STK3: variants seen among roughly 807,000 people sequenced by gnomAD.
STK3 encodes serine/threonine kinase 3, also known as serine/threonine-protein kinase 3.
In STK3, 41 loss-of-function variants were observed where a neutral mutation model predicts 58.0. The observed-to-expected ratio is 0.71, with a 90% CI of 0.55 to 0.92. The LOEUF (loss-of-function observed/expected upper bound fraction) is 0.92, where lower values mean the gene tolerates loss of function less well. STK3 is among the 40% of genes least tolerant of loss of function. The pLI is 0.00. For synonymous variants in STK3, 170 were observed against 191.0 expected (o/e 0.89, Z 0.91); for missense variants, 479 against 602.7 (o/e 0.79, Z 2.15).
chr8:98,594,498 G>T (rs897825334), intron 7 of STK3, among the ~76,000 whole-genome samples: 8 of 152,058 alleles, frequency 5.3e-5, no homozygotes, highest in African/African-American at 1.9e-4. Flanking sequence ...TACTTGGGAG[G>T]CTAAGGCACG....
chr8:98,452,827 C>A (rs1819255910), downstream of STK3, among the ~76,000 whole-genome samples: 1 of 143,976 alleles, frequency 6.9e-6, no homozygotes, highest in African/African-American at 2.6e-5. Context: ...GTGGTGTGAT[C>A]TCAGCTCACT....
chr8:98,554,273 A>G (rs1282791628), intron 8 of STK3, among the ~76,000 whole-genome samples: 2 of 152,280 alleles, frequency 1.3e-5, no homozygotes, highest in African/African-American at 4.8e-5. Context: ...TGCTGGTTGA[A>G]TATCTTATTT....
intron 7 of STK3, among the ~76,000 whole-genome samples, chr8:98,591,921 G>T (rs1695084296): frequency 6.6e-6 from 1 of 152,174 alleles, no homozygotes; most frequent in African/African-American, 2.4e-5. Flanking sequence ...TCTAGTTTCT[G>T]TAGTGTTGGT....
At chr8:98,625,372 A>C (rs1818637518) in intron 6 of STK3, among the ~76,000 whole-genome samples, 1 of 152,160 alleles carries the variant, frequency 6.6e-6, no homozygotes, top group Non-Finnish European at 1.5e-5. Context: ...GAAAGAAGGC[A>C]CATTTTCAAA....
At chr8:98,518,013 T>A (rs1825067065) in intron 10 of STK3, among the ~76,000 whole-genome samples, 1 of 152,106 alleles carries the variant, frequency 6.6e-6, no homozygotes, top group South Asian at 2.1e-4. Flanking sequence ...GAGTAGTCAA[T>A]TTTTCAATGT....
At chr8:98,828,356 CTT>C (rs2131774920), upstream of STK3, among the ~76,000 whole-genome samples, 1 of 136,662 alleles carries the variant, frequency 7.3e-6, no homozygotes, top group African/African-American at 2.7e-5. Context: ...AACCCCAACA[CTT>C]TGGGAATCCA....
chr8:98,791,117 CAA>C (rs1252777769), intron 1 of STK3, among the ~76,000 whole-genome samples: 1 of 152,110 alleles, frequency 6.6e-6, no homozygotes, highest in African/African-American at 2.4e-5. Context: ...AAGAATTCAG[CAA>C]AGTTTCCAGA....
At chr8:98,435,876 T>C (rs1818467605) in intron 2 of STK3, among the ~76,000 whole-genome samples, 1 of 152,174 alleles carries the variant, frequency 6.6e-6, no homozygotes, top group South Asian at 2.1e-4. Context: ...GCCTTGCTTT[T>C]CTCAGCTGAC....
At chr8:98,560,191 A>G (rs568350752) in intron 8 of STK3, among the ~76,000 whole-genome samples, 7 of 152,282 alleles carry the variant, frequency 4.6e-5, no homozygotes, top group African/African-American at 1.7e-4. Context: ...GTGAGGATAC[A>G]GAAACATATT....
chr8:98,568,498 C>T (rs1441197967), intron 8 of STK3, among the ~76,000 whole-genome samples: 2 of 152,126 alleles, frequency 1.3e-5, no homozygotes, highest in African/African-American at 4.8e-5. Flanking sequence ...ATTTGCTGGT[C>T]AACTAGTTCC....
Position 98,428,288 on chromosome 8 carries a change from G to A in STK3, n.483+5839C>T. On this transcript the variant is annotated intron_variant and non_coding_transcript_variant, in intron 3 of 3. Transcript: ENST00000517832. The surrounding 1 kb of genome is among the most constrained non-coding windows in gnomAD (Gnocchi z 6.7). The stretch of plus-strand genomic sequence containing the variant: ...AGCTATGTGTCTTCTCCTTCAGCCA[G>A]GAGATCGAGTACTGGGGCATCAACG... The A allele has an allele frequency of 6.2e-7, 1 of 1,614,158 alleles. No individual in the cohort carries two copies. The highest frequency in any genetic ancestry group is 8.5e-7 in the Non-Finnish European group (1 of 1,180,034).
chr8:98,821,268 T>C (rs1834881790), intron 1 of STK3, among the ~76,000 whole-genome samples: 1 of 152,116 alleles, frequency 6.6e-6, no homozygotes, highest in Admixed American at 6.5e-5. Context: ...GGTTGCACGC[T>C]CCTTATGATA....
In STK3 at chr8:98,712,263, A is replaced by T. The variant is rs1226832447; in HGVS notation, c.352-4952T>A. The stretch of plus-strand genomic sequence containing the variant: ...AACCAGCTAACATCATAATGACAGG[A>T]TCAAATTCACACATAACAATATTAA... On this transcript the variant is annotated intron_variant, in intron 4 of 10. Transcript: ENST00000419617. Among the ~76,000 whole-genome samples the T allele has an allele frequency of 2.6e-5, 4 of 152,352 alleles. No individual in the cohort carries two copies. In the East Asian group the frequency reaches 7.7e-4, roughly 29 times the overall value.
chr8:98,923,369 C>T lies in STK3; in HGVS notation c.-79+19009G>A, dbSNP rs1364399733. 2.0e-5 allele frequency among the ~76,000 whole-genome samples: 3 copies of T among 152,190 alleles called. No homozygotes were observed. In the East Asian group the frequency reaches 5.8e-4, roughly 29 times the overall value. ...AAATTTCCATCAACAGGTGGCAACA[C>T]TTGTATTGTTTGCTTTTTAGAGTAG... On this transcript the variant is annotated intron_variant, in intron 1 of 1. Transcript: ENST00000519420.
Position 98,770,912 on chromosome 8 carries a change from T to C in STK3, c.108-3541A>G, listed in dbSNP as rs571311305. ...TTATTGTACATTTAGGTCTTGATAT[T>C]AAAGTTACACTAGCTTCATTTAAAA... On this transcript the variant is annotated intron_variant, in intron 2 of 10. Transcript: ENST00000419617. 2.0e-5 allele frequency among the ~76,000 whole-genome samples: 3 copies of C among 152,310 alleles called. No individual in the cohort carries two copies. The South Asian group carries it at 6.2e-4, about 32-fold the overall frequency.
chr8:98,874,665 C>T (rs866988133), intron 3 of STK3, among the ~76,000 whole-genome samples: 4 of 152,032 alleles, frequency 2.6e-5, no homozygotes, highest in Middle Eastern at 3.2e-3. Flanking sequence ...CTCCCTCTGT[C>T]ACCCAGGCTG....
downstream of STK3, among the ~76,000 whole-genome samples, chr8:98,367,021 G>T (rs918208791): frequency 1.4e-4 from 22 of 152,220 alleles, no homozygotes; most frequent in Admixed American, 1.4e-3. Context: ...AAAAGACAAA[G>T]TAGAGACTGG....
intron 10 of STK3, among the ~76,000 whole-genome samples, chr8:98,492,130 C>A (rs1269900241): frequency 6.6e-6 from 1 of 152,182 alleles, no homozygotes; most frequent in African/African-American, 2.4e-5. Context: ...CATAAAGCAT[C>A]TCCAAAAAGC....
chr8:98,386,450 A>G (rs1817792797), intron 1 of STK3, among the ~76,000 whole-genome samples: 2 of 152,224 alleles, frequency 1.3e-5, no homozygotes, highest in Admixed American at 1.3e-4. Flanking sequence ...TGATTTTAAG[A>G]ACATACTATT....
Sources: allele counts gnomAD v4.1 joint callset (sites outside exome capture counted in the v4.1 genomes callset), GRCh38; gene constraint gnomAD v4.1.1; non-coding constraint Gnocchi (gnomAD v3.1); transcripts MANE v1.5; gene names NCBI Gene and HGNC (gene_info 2026-07-23, HGNC 2026-07-21).